Variants in STXBP5L observed in about 807,000 individuals in gnomAD.
STXBP5L encodes syntaxin-binding protein 5-like.
In STXBP5L, 65 loss-of-function variants were observed where a neutral mutation model predicts 144.5. The observed-to-expected ratio is 0.45, with a 90% CI of 0.37 to 0.55. STXBP5L has a LOEUF of 0.55. Ranked by LOEUF, STXBP5L falls within the 20% of genes least tolerant of loss-of-function variation. STXBP5L has a pLI of 0.00. For missense variants in STXBP5L, 1,298 were observed against 1,405.5 expected, an observed-to-expected ratio of 0.92 and a Z score of 1.22; for synonymous variants, 505 against 469.6, an observed-to-expected ratio of 1.08 and a Z score of -0.97.
chr3:121,258,515 ACAT>A (rs1248514774), intron 17 of STXBP5L, among the ~76,000 whole-genome samples: 2 of 152,210 alleles, frequency 1.3e-5, no homozygotes, highest in Non-Finnish European at 2.9e-5. Flanking sequence ...CAAAGAGAAA[ACAT>A]CATCATAAAA....
chr3:121,014,860 A>G (rs1323120667), intron 3 of STXBP5L, among the ~76,000 whole-genome samples: 2 of 152,088 alleles, frequency 1.3e-5, no homozygotes, highest in African/African-American at 4.8e-5. Flanking sequence ...TTTAATAATT[A>G]TATTTTTATG....
At chr3:121,269,050 T>C (rs1459364892) in intron 18 of STXBP5L, among the ~76,000 whole-genome samples, 1 of 152,088 alleles carries the variant, frequency 6.6e-6, no homozygotes, top group African/African-American at 2.4e-5. Flanking sequence ...CCTCAGTCTC[T>C]TTATAGAACA....
At chr3:121,225,827 A>G (rs542345927) in intron 11 of STXBP5L, among the ~76,000 whole-genome samples, 1 of 152,174 alleles carries the variant, frequency 6.6e-6, no homozygotes, top group Non-Finnish European at 1.5e-5. Flanking sequence ...AATTATACAA[A>G]TGTTTTCAAT....
At chr3:121,045,859 C>A (rs1004898855) in intron 5 of STXBP5L, among the ~76,000 whole-genome samples, 1 of 151,954 alleles carries the variant, frequency 6.6e-6, no homozygotes, top group African/African-American at 2.4e-5. Flanking sequence ...CCTTTTATTT[C>A]TTTCTCTTGC....
intron 7 of STXBP5L, among the ~76,000 whole-genome samples, chr3:121,146,379 A>C (rs1034715252): frequency 1.3e-5 from 2 of 152,040 alleles, no homozygotes; most frequent in Non-Finnish European, 2.9e-5. Context: ...TATAATGGAT[A>C]AGTTAATAGA....
chr3:121,257,187 T>C lies in STXBP5L; in HGVS notation c.1686T>C (p.Asp562=). The change falls in exon 17 of 27, where the codon GAT becomes GAC. Residue 562 remains aspartate (D), a synonymous_variant. Coordinates refer to ENST00000471454, the MANE Select transcript of STXBP5L (RefSeq NM_001308330.2). ...IVSLEVRLQY[D]VEDIITPEPE... is the part of the protein sequence containing the mutation. ...CATTAGAGGTACGACTTCAGTATGA[T>C]GTTGAAGATATTATTACCCCTGAAC... The C allele has an allele frequency of 6.2e-7, 1 of 1,612,920 alleles. No individual in the cohort carries two copies. Among genetic ancestry groups the C allele is most frequent in the Non-Finnish European group, 8.5e-7 (1 of 1,179,208 alleles).
chr3:121,131,728 A>T (rs2044999194), intron 7 of STXBP5L, among the ~76,000 whole-genome samples: 2 of 152,244 alleles, frequency 1.3e-5, no homozygotes, highest in Admixed American at 1.3e-4. Flanking sequence ...AACTGGTTTT[A>T]TTGGATGTAT....
intron 3 of STXBP5L, among the ~76,000 whole-genome samples, chr3:121,003,189 C>T (rs1943941383): frequency 1.3e-5 from 2 of 152,132 alleles, no homozygotes; most frequent in Admixed American, 6.6e-5. Context: ...AAAAGTGTTC[C>T]TATTTCTCCA....
At chr3:120,999,051 T>G (rs1943569290) in intron 3 of STXBP5L, among the ~76,000 whole-genome samples, 1 of 152,144 alleles carries the variant, frequency 6.6e-6, no homozygotes, top group African/African-American at 2.4e-5. Context: ...GATTTCTGTT[T>G]TTGTTGTCCT....
intron 10 of STXBP5L, among the ~76,000 whole-genome samples, chr3:121,220,671 A>G (rs879533020): frequency 5.3e-5 from 8 of 152,106 alleles, no homozygotes; most frequent in Admixed American, 5.2e-4. Context: ...TTATCAAATT[A>G]TCAAAATTAA....
chr3:121,202,295 G>A (rs992831204), intron 9 of STXBP5L, among the ~76,000 whole-genome samples: 1 of 151,946 alleles, frequency 6.6e-6, no homozygotes, highest in Non-Finnish European at 1.5e-5. Context: ...TTACCAACTG[G>A]TATCTTTTCC....
At chr3:120,981,210 C>A (rs1300507348) in intron 3 of STXBP5L, among the ~76,000 whole-genome samples, 1 of 152,100 alleles carries the variant, frequency 6.6e-6, no homozygotes, top group South Asian at 2.1e-4. Flanking sequence ...AATGTATCTT[C>A]CAGGAGTTTT....
intron 5 of STXBP5L, among the ~76,000 whole-genome samples, chr3:121,097,807 T>C (rs2043206570): frequency 1.3e-5 from 2 of 152,174 alleles, no homozygotes; most frequent in Admixed American, 1.3e-4. Context: ...TTTAAGCTTG[T>C]TGCATATCAA....
At chr3:121,303,434 T>C (rs997777530) in intron 19 of STXBP5L, among the ~76,000 whole-genome samples, 4 of 152,212 alleles carry the variant, frequency 2.6e-5, no homozygotes, top group South Asian at 2.1e-4. Flanking sequence ...TTGGTGGGAC[T>C]GTAAACTAGT....
At chr3:121,172,579 A>C (rs2046767334) in intron 9 of STXBP5L, among the ~76,000 whole-genome samples, 1 of 152,228 alleles carries the variant, frequency 6.6e-6, no homozygotes, top group Non-Finnish European at 1.5e-5. Flanking sequence ...CATATGAAAA[A>C]CAGCTCATCA....
intron 14 of STXBP5L, among the ~76,000 whole-genome samples, chr3:121,249,371 C>T (rs1242726244): frequency 1.3e-5 from 2 of 151,700 alleles, no homozygotes; most frequent in African/African-American, 2.4e-5. Context: ...TTTATTAATG[C>T]CTTATTTTTT....
chr3:121,005,428 T>C (rs1944203339), intron 3 of STXBP5L, among the ~76,000 whole-genome samples: 1 of 152,170 alleles, frequency 6.6e-6, no homozygotes, highest in East Asian at 1.9e-4. Context: ...TGCGTCTATT[T>C]GATTCTTCTC....
chr3:121,123,785 T>C lies in STXBP5L; in HGVS notation c.669+2081T>C, dbSNP rs914345896. Among the ~76,000 whole-genome samples, 5 of 151,826 alleles carry C rather than the reference T, an allele frequency of 3.3e-5. No individual in the cohort carries two copies. The South Asian group carries it at 1.0e-3, about 31-fold the overall frequency. ...GTTTGAGTTGTGGCTCTAGCATTTA[T>C]TAGCATATAATCTTGAATAAATCAC... On this transcript the variant is annotated intron_variant, in intron 7 of 26. Transcript: ENST00000471454.
At chr3:121,136,327 C>G (rs2045256029) in intron 7 of STXBP5L, among the ~76,000 whole-genome samples, 1 of 152,132 alleles carries the variant, frequency 6.6e-6, no homozygotes, top group South Asian at 2.1e-4. Flanking sequence ...GCTCCTGACT[C>G]TAGACTGATA....
Sources: allele counts gnomAD v4.1 joint callset (sites outside exome capture counted in the v4.1 genomes callset), GRCh38; gene constraint gnomAD v4.1.1; transcripts MANE v1.5; gene names NCBI Gene and HGNC (gene_info 2026-07-23, HGNC 2026-07-21).